FKBP5: variants seen among roughly 807,000 people sequenced by gnomAD.
The protein encoded by FKBP5 is FKBP prolyl isomerase 5.
A neutral mutation model predicts 50.5 loss-of-function variants in FKBP5; 23 were observed. The observed-to-expected ratio is 0.46, with a 90% confidence interval of 0.33 to 0.65. The LOEUF (loss-of-function observed/expected upper bound fraction) is 0.65. Among genes scored for constraint, FKBP5 ranks in the 30% least tolerant of loss-of-function variants. FKBP5 has a pLI of 0.02. For synonymous variants in FKBP5, 176 were observed against 190.6 expected (o/e 0.92, Z 0.63); for missense variants, 411 against 553.1 (o/e 0.74, Z 2.58).
At chr6:35,713,101 A>AAAG (rs1561906908) in intron 2 of FKBP5, among the ~76,000 whole-genome samples, 7 of 149,196 alleles carry the variant, frequency 4.7e-5, no homozygotes, top group African/African-American at 1.7e-4. Context: ...AAAAAAAAAA[A>AAAG]AAGAAGAAGA....
intron 1 of FKBP5, among the ~76,000 whole-genome samples, chr6:35,647,188 G>A (rs986114709): frequency 2.0e-5 from 3 of 152,216 alleles, no homozygotes; most frequent in Non-Finnish European, 2.9e-5. Context: ...ATAAATTACT[G>A]TTTTCAAGTA....
chr6:35,726,372 G>A (rs1289936894), intron 1 of FKBP5, among the ~76,000 whole-genome samples: 1 of 152,154 alleles, frequency 6.6e-6, no homozygotes, highest in Non-Finnish European at 1.5e-5. Context: ...GTTGGCTTTG[G>A]GAAGGCAGGC....
At chr6:35,613,844 T>C (rs1451078917) in intron 5 of FKBP5, among the ~76,000 whole-genome samples, 1 of 152,172 alleles carries the variant, frequency 6.6e-6, no homozygotes, top group Non-Finnish European at 1.5e-5. Flanking sequence ...GAAAGTACAT[T>C]CTAACAAGAT....
intron 5 of FKBP5, among the ~76,000 whole-genome samples, chr6:35,601,215 G>A (rs919719210): frequency 5.3e-5 from 8 of 151,968 alleles, no homozygotes; most frequent in Non-Finnish European, 1.0e-4. Flanking sequence ...ATCTTAAACG[G>A]ATATACATCC....
intron 1 of FKBP5, among the ~76,000 whole-genome samples, chr6:35,682,581 C>G (rs1293939426): frequency 6.6e-6 from 1 of 152,092 alleles, no homozygotes. Flanking sequence ...CTTTAAATTG[C>G]CAAGTTTAAA....
chr6:35,701,231 T>G (rs957457687), intron 2 of FKBP5, among the ~76,000 whole-genome samples: 5 of 148,880 alleles, frequency 3.4e-5, no homozygotes, highest in South Asian at 4.2e-4. Context: ...TTGTTTGTTT[T>G]TGTTTTTTGT....
In FKBP5 at chr6:35,620,256, C is replaced by T; in HGVS notation, c.269G>A (p.Trp90Ter). Residue 90 changes from tryptophan (W) to a stop codon, truncating the protein, a stop_gained, in exon 4 of 11, where the codon TGG becomes TAG. Transcript: ENST00000357266. LOFTEE classifies it high-confidence loss of function. The stretch of plus-strand genomic sequence containing the variant: ...CTTCATGGTAGCCACCCCAATGTCC[C>T]ATGCCTTGATGACTTGGCCTAAGGG... The part of the protein sequence containing the change: ...SLGKGQVIKA[W>*]DIGVATMKKG... 1 of 1,614,106 alleles carries T rather than the reference C, an allele frequency of 6.2e-7. No homozygotes were observed. Among genetic ancestry groups the T allele is most frequent in the Non-Finnish European group, 8.5e-7 (1 of 1,180,006 alleles).
Position 35,577,174 on chromosome 6 carries a change from C to T in FKBP5, c.1086G>A (p.Leu362=), listed in dbSNP as rs1313971916. 4 of 1,614,098 alleles carry T rather than the reference C, an allele frequency of 2.5e-6. No individual in the cohort carries two copies. In the Admixed American group the frequency reaches 6.7e-5, roughly 27 times the overall value. The stretch of plus-strand genomic sequence containing the variant: ...TGGCTGACTCAAACTCGTTCATGAG[C>T]AGCTGGGCTTCACCCCTCCTATACA... ...KGLYRRGEAQ[L]LMNEFESAKG... The change falls in exon 10 of 11, where the codon CTG becomes CTA. Residue 362 remains leucine, a synonymous_variant. Coordinates refer to ENST00000357266, the MANE Select transcript of FKBP5 (RefSeq NM_004117.4).
chr6:35,727,879 G>A (rs1766751296), intron 1 of FKBP5, among the ~76,000 whole-genome samples: 1 of 152,222 alleles, frequency 6.6e-6, no homozygotes, highest in Non-Finnish European at 1.5e-5. Context: ...CAAGCCTGGG[G>A]TACCCAAGCA....
At chr6:35,671,911 T>C (rs9394310) in intron 1 of FKBP5, among the ~76,000 whole-genome samples, 112,210 of 151,618 alleles carry the variant, frequency 0.74, 41,765 homozygotes, top group African/African-American at 0.81. Flanking sequence ...CTCTGTCGTC[T>C]AGGCTGGAGT....
chr6:35,579,932 A>G (rs1762369549), intron 9 of FKBP5, 104 bp downstream of exon 9: 10 of 887,910 alleles, frequency 1.1e-5, no homozygotes, highest in Non-Finnish European at 1.7e-5. Context: ...AAAAAAAAGC[A>G]AAATGAAAAA....
intron 5 of FKBP5, among the ~76,000 whole-genome samples, chr6:35,615,883 A>G (rs533086298): frequency 6.8e-4 from 104 of 152,342 alleles, no homozygotes; most frequent in African/African-American, 2.3e-3. Context: ...ATGAGACATC[A>G]ATATCATATA....
At chr6:35,589,094 A>ATATATATATATTTT (rs1762715926) in intron 7 of FKBP5, among the ~76,000 whole-genome samples, 2 of 115,444 alleles carry the variant, frequency 1.7e-5, no homozygotes, top group African/African-American at 8.5e-5. Flanking sequence ...ATATATTTTT[A>ATATATATATATTTT]TATATATATA....
intron 7 of FKBP5, among the ~76,000 whole-genome samples, chr6:35,587,941 C>T (rs949633258): frequency 1.3e-5 from 2 of 152,082 alleles, no homozygotes; most frequent in East Asian, 1.9e-4. Context: ...AAATGGGTAA[C>T]TAAAATTCTC....
Position 35,639,844 on chromosome 6 carries a change from C to T in FKBP5, c.106-2686G>A, listed in dbSNP as rs7763114. ...ACTGCTGGCACAAGAGATATTAAAA[C>T]TCAGCATCCTGGTAATATTCAGAAT... On this transcript the variant is annotated intron_variant, in intron 2 of 10. Coordinates refer to ENST00000357266, the MANE Select transcript of FKBP5 (RefSeq NM_004117.4). Among the ~76,000 whole-genome samples the T allele has an allele frequency of 4.1e-3, 632 of 152,296 alleles. 2 individuals are homozygous for T. Among genetic ancestry groups the T allele is most frequent in the Middle Eastern group, 0.027 (8 of 294 alleles).
chr6:35,671,872 A>AT lies in FKBP5; in HGVS notation c.-20+16931dup, dbSNP rs1226325256. On this transcript the variant is annotated intron_variant, in intron 1 of 10. Coordinates refer to ENST00000357266, the MANE Select transcript of FKBP5 (RefSeq NM_004117.4). ...GAACCCTAAAATCTAATTTAGAAGAATTTTTTTTTTTTTTGAGACGGAGTC... is the reference window on the plus strand; with the variant it reads ...GAACCCTAAAATCTAATTTAGAAGAATTTTTTTTTTTTTTTGAGACGGAGTC... Among the ~76,000 whole-genome samples the AT allele has an allele frequency of 8.3e-3, 1,218 of 146,508 alleles. 12 individuals carry two copies. Among genetic ancestry groups the AT allele is most frequent in the African/African-American group, 0.023 (921 of 40,192 alleles).
chr6:35,678,958 C>A (rs1216780713), intron 1 of FKBP5, among the ~76,000 whole-genome samples: 3 of 152,158 alleles, frequency 2.0e-5, no homozygotes, highest in Non-Finnish European at 4.4e-5. Context: ...TGATGCATAC[C>A]TGTAATCCCA....
In FKBP5 at chr6:35,586,067, T is replaced by C. The variant is rs369639938; in HGVS notation, c.840+967A>G. The C allele has an allele frequency of 5.1e-6, 5 of 985,240 alleles. No individual in the cohort carries two copies. In the East Asian group the frequency reaches 3.4e-4, roughly 67 times the overall value. The allele number at this position is 985,240 out of a possible 1,614,324, so 61.0% of individuals were successfully genotyped here. ...AAAACATCTAATTTCTGTATTGCAGTGGCAGAAAACGAAAGAAACCTTGAC... is the reference window on the plus strand; with the variant it reads ...AAAACATCTAATTTCTGTATTGCAGCGGCAGAAAACGAAAGAAACCTTGAC... On this transcript the variant is annotated intron_variant, in intron 8 of 10. Coordinates refer to ENST00000357266, the MANE Select transcript of FKBP5 (RefSeq NM_004117.4).
intron 3 of FKBP5, among the ~76,000 whole-genome samples, chr6:35,629,039 T>C (rs919633489): frequency 1.3e-5 from 2 of 151,912 alleles, no homozygotes; most frequent in South Asian, 2.1e-4. Flanking sequence ...AAAATAGCTA[T>C]AAAAGGGCTC....
Sources: gnomAD v4.1 joint callset for allele counts (sites outside exome capture counted in the v4.1 genomes callset) on GRCh38, gnomAD v4.1.1 for gene constraint, MANE v1.5 for transcripts, NCBI Gene and HGNC (gene_info 2026-07-23, HGNC 2026-07-21) for gene names.